Variants in NOLC1 observed in about 807,000 individuals in gnomAD.
The protein encoded by NOLC1 is nucleolar and coiled-body phosphoprotein 1, also known as 140 kDa nucleolar phosphoprotein.
Under a neutral mutation model 73.4 loss-of-function variants are expected in NOLC1, and 37 were observed. That is an observed-to-expected ratio of 0.50 (90% CI 0.39 to 0.66). The LOEUF is 0.66. NOLC1 is among the 30% of genes least tolerant of loss of function. The probability of loss-of-function intolerance (pLI) is 0.00; values close to 1 mark genes in which losing one functional copy is unlikely to be tolerated. For missense variants in NOLC1, 921 were observed against 838.9 expected (o/e 1.10, Z -1.21); for synonymous variants, 327 against 302.6 (o/e 1.08, Z -0.84).
chr10:102,158,217 A>G lies in NOLC1; in HGVS notation c.607+3A>G, dbSNP rs1335286730. On this transcript the variant is annotated splice_donor_region_variant and intron_variant, in intron 5 of 12. Transcript: ENST00000605788. ...GACTAAAGCCCCTCCCAAACCAGGT[A>G]CTGTTTCTGTTCCCAAGAGGCTGGG... 3 of 1,613,426 alleles carry G rather than the reference A, an allele frequency of 1.9e-6. No homozygotes were observed. The highest frequency in any genetic ancestry group is 1.3e-5 in the African/African-American group (1 of 74,896).
intron 1 of NOLC1, among the ~76,000 whole-genome samples, chr10:102,155,284 C>CA (rs1350559716): frequency 6.6e-6 from 1 of 151,712 alleles, no homozygotes; most frequent in Non-Finnish European, 1.5e-5. Context: ...CTCAGCCTCA[C>CA]AAAGTGTTGG....
rs1194965621 is a variant in NOLC1 at position 102,161,707 on chromosome 10, A to G, written c.1848+45A>G. 8.9e-6 allele frequency: 14 copies of G among 1,569,472 alleles called. No individual in the cohort carries two copies. The Admixed American group carries it at 1.7e-4, about 19-fold the overall frequency. On this transcript the variant is annotated intron_variant, in intron 11 of 12. Coordinates refer to ENST00000605788, the MANE Select transcript of NOLC1 (RefSeq NM_004741.5). ...TCTCAGGAGCCAGCTCTTTAAAAGT[A>G]GAAAAATCTAGGATCATCTTGACAG...
At chr10:102,155,414 G>A (rs879631063) in intron 1 of NOLC1, among the ~76,000 whole-genome samples, 26 of 151,694 alleles carry the variant, frequency 1.7e-4, no homozygotes, top group South Asian at 4.2e-4. Flanking sequence ...GAGAGATGGA[G>A]GTCTCACTGT....
rs1443987810 is a variant in NOLC1, at chr10:102,163,287, G to T, written c.*1018G>T. The T allele has an allele frequency of 6.6e-6, 1 of 152,158 alleles. No individual in the cohort carries two copies. The highest frequency in any genetic ancestry group is 1.5e-5 in the Non-Finnish European group (1 of 68,032). 9.4% of individuals were successfully genotyped at this position (152,158 alleles called of 1,614,324 possible). A position where few individuals can be genotyped will look rare whatever the true frequency, so the allele number is the denominator to read the frequency against. Reference sequence around the variant, plus strand: ...AACGTTAAAACCTCAATCCTCAGTAGGAAGGTAGATTACATTAGGTGAAAT... The same window carrying T: ...AACGTTAAAACCTCAATCCTCAGTATGAAGGTAGATTACATTAGGTGAAAT... On this transcript the variant is annotated 3_prime_UTR_variant, in exon 13 of 13. Transcript: ENST00000605788.
rs774432358 is a variant in NOLC1 at position 102,161,115 on chromosome 10, C to T, written c.1741+22C>T. ...TCAGGTCTGTACCCAATGAACATGCCCTCTGGGTTTTGTCCCCCCAAATCA... is the reference window on the plus strand; with the variant it reads ...TCAGGTCTGTACCCAATGAACATGCTCTCTGGGTTTTGTCCCCCCAAATCA... On this transcript the variant is annotated intron_variant, in intron 10 of 12. Transcript: ENST00000605788. 2.5e-6 allele frequency: 4 copies of T among 1,571,908 alleles called. No homozygotes were observed. The East Asian group carries it at 9.0e-5, about 35-fold the overall frequency.
Position 102,160,684 on chromosome 10 carries a change from C to T in NOLC1, c.1332C>T (p.Thr444=). Residue 444 remains threonine, a synonymous_variant, in exon 10 of 13, where the codon ACC becomes ACT. Coordinates refer to ENST00000605788, the MANE Select transcript of NOLC1 (RefSeq NM_004741.5). The part of the protein sequence containing the change: ...EEEKTKKMVA[T]TKPKATAKAA... ...AGAAGACAAAGAAGATGGTGGCCAC[C>T]ACTAAGCCCAAGGCGACTGCCAAAG... 6.2e-7 allele frequency: 1 copy of T among 1,613,986 alleles called. No individual in the cohort carries two copies. Among genetic ancestry groups the T allele is most frequent in the Middle Eastern group, 1.7e-4 (1 of 6,058 alleles).
chr10:102,160,452 ACT>A lies in NOLC1; in HGVS notation c.1103_1104del (p.Ser368Ter), dbSNP rs1446900321. 1.2e-6 allele frequency: 2 copies of A among 1,613,006 alleles called. No individual in the cohort carries two copies. Among genetic ancestry groups the A allele is most frequent in the South Asian group, 1.1e-5 (1 of 91,024 alleles). Reference sequence around the variant, plus strand: ...TTGATTCCATCCCTTCTGTGTCTAGACTCTGACAGCTCTGAGGATGATGAAGC... The same window carrying A: ...TTGATTCCATCCCTTCTGTGTCTAGACTGACAGCTCTGAGGATGATGAAGC... On this transcript the variant is annotated frameshift_variant and splice_region_variant, in exon 10 of 13. Transcript: ENST00000605788. LOFTEE classifies it high-confidence loss of function.
chr10:102,160,949 C>T lies in NOLC1; in HGVS notation c.1597C>T (p.Leu533Phe), dbSNP rs751408859. ...CTCCAGTGAGGAAGAGGAAGAGAAGCTCAAGGGCAAGGGCTCTCCAAGACC... is the reference window on the plus strand; with the variant it reads ...CTCCAGTGAGGAAGAGGAAGAGAAGTTCAAGGGCAAGGGCTCTCCAAGACC... ...DDSSEEEEEK[L>F]KGKGSPRPQA... Residue 533 changes from leucine to phenylalanine, a missense_variant, in exon 10 of 13, where the codon CTC becomes TTC. By Grantham distance (22) the Leu-to-Phe change is conservative (BLOSUM62 0). Transcript: ENST00000605788. 3.1e-6 allele frequency: 5 copies of T among 1,614,136 alleles called. No homozygotes were observed. The highest frequency in any genetic ancestry group is 4.2e-6 in the Non-Finnish European group (5 of 1,180,030).
At chr10:102,161,744 G>A (rs2069713035) in intron 11 of NOLC1, 82 bp downstream of exon 11, 8 of 1,528,698 alleles carry the variant, frequency 5.2e-6, no homozygotes, top group East Asian at 2.3e-5. Context: ...TCTGCCTGGC[G>A]TGACCTGGTA....
chr10:102,161,966 G>A (rs2069717694), intron 12 of NOLC1, 41 bp downstream of exon 12: 3 of 1,604,112 alleles, frequency 1.9e-6, no homozygotes, highest in Non-Finnish European at 1.7e-6. Flanking sequence ...GGGAGGATGG[G>A]TAGTGTCAGA....
Position 102,159,196 on chromosome 10 carries a change from G to A in NOLC1, c.611G>A (p.Arg204Gln), listed in dbSNP as rs377448324. The A allele has an allele frequency of 1.2e-5, 20 of 1,612,842 alleles. No individual in the cohort carries two copies. Among genetic ancestry groups the A allele is most frequent in the Middle Eastern group, 1.6e-4 (1 of 6,066 alleles). The change falls in exon 6 of 13, where the codon CGA becomes CAA. Residue 204 changes from arginine to glutamine, a missense_variant. By Grantham distance (43) the Arg-to-Gln change is conservative. Transcript: ENST00000605788. ...TTCTTTTTCTTGGGTATTCCAGCTC[G>A]AGCAGCACCTAAAATAGCCAATGGT... ...AQTKAPPKPA[R>Q]AAPKIANGKA...
rs753159580 is a variant in NOLC1, at chr10:102,160,698, C to T, written c.1346C>T (p.Ala449Val). The change falls in exon 10 of 13, where the codon GCG becomes GTG. Residue 449 changes from alanine (A) to valine (V), a missense_variant. Coordinates refer to ENST00000605788, the MANE Select transcript of NOLC1 (RefSeq NM_004741.5). Reference protein sequence around the residue: ...KKMVATTKPKATAKAALSLPA... With the variant: ...KKMVATTKPKVTAKAALSLPA... Reference sequence around the variant, plus strand: ...ATGGTGGCCACCACTAAGCCCAAGGCGACTGCCAAAGCAGCTCTATCTCTG... The same window carrying T: ...ATGGTGGCCACCACTAAGCCCAAGGTGACTGCCAAAGCAGCTCTATCTCTG... The T allele has an allele frequency of 3.3e-5, 54 of 1,613,952 alleles. No individual in the cohort carries two copies. Among genetic ancestry groups the T allele is most frequent in the Admixed American group, 8.3e-5 (5 of 60,000 alleles).
intron 1 of NOLC1, among the ~76,000 whole-genome samples, chr10:102,154,575 G>T (rs1176964958): frequency 6.6e-6 from 1 of 151,702 alleles, no homozygotes. Flanking sequence ...GAGTGCAGTG[G>T]TGCAATCTCA....
At position 102,162,469 on chromosome 10, in the gene NOLC1, T is replaced by C; in HGVS notation, c.*200T>C. On this transcript the variant is annotated 3_prime_UTR_variant, in exon 13 of 13. Transcript: ENST00000605788. Reference sequence around the variant, plus strand: ...TTTGTACAGACTTGTTTTTGAGTGTTGAGTAGCAGGGACAAAATAAGGGAA... The same window carrying C: ...TTTGTACAGACTTGTTTTTGAGTGTCGAGTAGCAGGGACAAAATAAGGGAA... 2.3e-6 allele frequency: 1 copy of C among 428,752 alleles called. No homozygotes were observed. The highest frequency in any genetic ancestry group is 4.1e-5 in the Admixed American group (1 of 24,622). The allele number at this position is 428,752 out of a possible 1,614,324, so 26.6% of individuals were successfully genotyped here.
rs1470647814 is a variant in NOLC1, at chr10:102,162,366, G to C, written c.*97G>C. 3 of 1,332,242 alleles carry C rather than the reference G, an allele frequency of 2.3e-6. No homozygotes were observed. The highest frequency in any genetic ancestry group is 2.3e-5 in the East Asian group (1 of 43,496). The allele number at this position is 1,332,242 out of a possible 1,614,324, so 82.5% of individuals were successfully genotyped here. On this transcript the variant is annotated 3_prime_UTR_variant, in exon 13 of 13. Transcript: ENST00000605788. ...CCTCAGGTCTCTAGGTGAGGGTCTT[G>C]ATGAGGACAGAAGTTTAGAGTAGGT...
intron 4 of NOLC1, 109 bp from the exon 5 acceptor site, chr10:102,157,940 C>T (rs187446616): frequency 4.0e-4 from 404 of 1,003,802 alleles, no homozygotes; most frequent in Non-Finnish European, 5.4e-4. Context: ...CCTTAGCTTT[C>T]TTTTGCTCTT....
Position 102,162,876 on chromosome 10 carries a change from CCTA to C in NOLC1, c.*610_*612del, listed in dbSNP as rs2069736927. 1 of 152,214 alleles carries C rather than the reference CCTA, an allele frequency of 6.6e-6. No individual in the cohort carries two copies. The highest frequency in any genetic ancestry group is 1.5e-5 in the Non-Finnish European group (1 of 68,046). 9.4% of individuals were successfully genotyped at this position (152,214 alleles called of 1,614,324 possible). A position where few individuals can be genotyped will look rare whatever the true frequency, so the allele number is the denominator to read the frequency against. On this transcript the variant is annotated 3_prime_UTR_variant, in exon 13 of 13. Coordinates refer to ENST00000605788, the MANE Select transcript of NOLC1 (RefSeq NM_004741.5). ...AAGTTTTTAGCCAGCATGGACCTAACCTACTTTTTGGGATAAAATTCTCTGTTT... is the reference window on the plus strand; with the variant it reads ...AAGTTTTTAGCCAGCATGGACCTAACCTTTTTGGGATAAAATTCTCTGTTT...
intron 1 of NOLC1, among the ~76,000 whole-genome samples, chr10:102,156,562 C>T (rs1032408403): frequency 6.6e-6 from 1 of 151,928 alleles, no homozygotes; most frequent in African/African-American, 2.4e-5. Flanking sequence ...TTCAGCCTCC[C>T]AAGTAGCTGG....
intron 1 of NOLC1, among the ~76,000 whole-genome samples, chr10:102,155,040 T>TC (rs1030833097): frequency 4.1e-5 from 6 of 146,280 alleles, no homozygotes; most frequent in Non-Finnish European, 9.0e-5. Context: ...TTTTTTTTTT[T>TC]TGTGACAGTT....
Sources: gnomAD v4.1 joint callset for allele counts (sites outside exome capture counted in the v4.1 genomes callset) on GRCh38, gnomAD v4.1.1 for gene constraint, MANE v1.5 for transcripts, NCBI Gene and HGNC (gene_info 2026-07-23, HGNC 2026-07-21) for gene names.